SPCS3: variants seen among roughly 807,000 people sequenced by gnomAD.
SPCS3 encodes signal peptidase complex subunit 3, also known as SPase 22 kDa subunit.
SPCS3 carries 9 observed loss-of-function variants against 17.2 expected under a neutral mutation model. That is an observed-to-expected ratio of 0.52 (90% CI 0.31 to 0.91). The LOEUF is 0.91. Ranked by LOEUF, SPCS3 falls within the 40% of genes least tolerant of loss-of-function variation. The pLI is 0.04. For synonymous variants in SPCS3, 87 were observed against 89.6 expected (o/e 0.97, Z 0.16); for missense variants, 139 against 217.5 (o/e 0.64, Z 2.27).
chr4:176,328,120 C>T (rs1731632674), intron 4 of SPCS3, 78 bp from the exon 5 acceptor site: 1 of 1,285,870 alleles, frequency 7.8e-7, no homozygotes. Context: ...AAGTATTTGA[C>T]ATCTCAGTGT....
chr4:176,322,968 A>G (rs1010922512), intron 2 of SPCS3, among the ~76,000 whole-genome samples: 1 of 152,098 alleles, frequency 6.6e-6, no homozygotes, highest in East Asian at 1.9e-4. Context: ...CGTGATTTAA[A>G]TGGTTGTGGA....
chr4:176,324,380 A>T (rs35304696), intron 3 of SPCS3, 123 bp downstream of exon 3: 30,042 of 447,596 alleles, frequency 0.067, 1,135 homozygotes, highest in African/African-American at 0.092. Context: ...ATCACAAGCC[A>T]GTGGAGGTAG....
chr4:176,321,441 T>TA (rs1030410875), intron 1 of SPCS3: 14 of 152,312 alleles, frequency 9.2e-5, no homozygotes, highest in African/African-American at 3.4e-4. Context: ...GTCTGAGCCG[T>TA]AGTAAACAGT....
chr4:176,328,139 A>C, intron 4 of SPCS3, 59 bp from the exon 5 acceptor site: 1 of 1,561,306 alleles, frequency 6.4e-7, no homozygotes, highest in Non-Finnish European at 8.7e-7. Context: ...GTTTGTCTTA[A>C]AATTTTTTTT....
Position 176,329,556 on chromosome 4 carries a change from A to C in SPCS3, c.*1226A>C, listed in dbSNP as rs181316458. ...CTAATTTTCAAGCTGCCAACAACTT[A>C]TATCGAGGTAATATTTTATTCTCTG... is the stretch of plus-strand genomic sequence containing the variant. On this transcript the variant is annotated 3_prime_UTR_variant, in exon 5 of 5. Transcript: ENST00000503362. The C allele has an allele frequency of 1.2e-4, 18 of 152,304 alleles. No homozygotes were observed. The East Asian group carries it at 3.3e-3, about 28-fold the overall frequency. The allele number at this position is 152,304 out of a possible 1,614,324, so 9.4% of individuals were successfully genotyped here.
Position 176,320,026 on chromosome 4 carries a change from A to C in SPCS3, c.-51A>C. 6.9e-7 allele frequency: 1 copy of C among 1,445,446 alleles called. No homozygotes were observed. Among genetic ancestry groups the C allele is most frequent in the Non-Finnish European group, 9.2e-7 (1 of 1,083,392 alleles). 89.5% of individuals were successfully genotyped at this position (1,445,446 alleles called of 1,614,324 possible). ...CGCAGGGAGCCGGTCCGCCGCCGGA[A>C]CGGGAGCCTGGGTGTGCGTGTGGAG... On this transcript the variant is annotated 5_prime_UTR_variant, in exon 1 of 5. Transcript: ENST00000503362.
rs1258817112 is a variant in SPCS3, at chr4:176,330,314, A to G, written c.*1984A>G. The G allele has an allele frequency of 2.0e-5, 3 of 152,340 alleles. No homozygotes were observed. The East Asian group carries it at 5.8e-4, about 29-fold the overall frequency. 9.4% of individuals were successfully genotyped at this position (152,340 alleles called of 1,614,324 possible). A position where few individuals can be genotyped will look rare whatever the true frequency, so the allele number is the denominator to read the frequency against. ...AAATGTGCAGGTGTCAAAGCTTAAA[A>G]ATCAGGTGTGTCCTCTTTAAAGGCA... On this transcript the variant is annotated 3_prime_UTR_variant, in exon 5 of 5. Transcript: ENST00000503362.
intron 2 of SPCS3, among the ~76,000 whole-genome samples, 182 bp downstream of exon 2, chr4:176,322,425 G>A (rs975319896): frequency 3.3e-5 from 5 of 152,108 alleles, no homozygotes; most frequent in Non-Finnish European, 7.4e-5. Context: ...AAACTTCATA[G>A]ATTCATGAGT....
In SPCS3 at chr4:176,320,189, C is replaced by T. The variant is rs751908366; in HGVS notation, c.113C>T (p.Pro38Leu). The T allele has an allele frequency of 1.3e-6, 2 of 1,576,616 alleles. No individual in the cohort carries two copies. Among genetic ancestry groups the T allele is most frequent in the East Asian group, 5.0e-5 (2 of 39,774 alleles). The change falls in exon 1 of 5, where the codon CCG (proline) becomes CTG (leucine). Residue 38 changes from proline to leucine, a missense_variant. Transcript: ENST00000503362. ...ACCGCCTTCAAAGACAGGAGCGTCC[C>T]GGTGCGGCTGCACGTCTCGCGGATC... ...ITTAFKDRSV[P>L]VRLHVSRIML...
intron 3 of SPCS3, 32 bp from the exon 4 acceptor site, chr4:176,327,130 G>A (rs1448008589): frequency 1.6e-6 from 2 of 1,252,000 alleles, no homozygotes; most frequent in South Asian, 2.9e-5. Flanking sequence ...TATTTCTGAT[G>A]AGTTATCTAA....
rs950043143 is a variant in SPCS3, at chr4:176,319,990, A to G, written c.-87A>G. The G allele has an allele frequency of 3.9e-5, 53 of 1,364,374 alleles. No individual in the cohort carries two copies. Among genetic ancestry groups the G allele is most frequent in the Non-Finnish European group, 5.0e-5 (52 of 1,047,128 alleles). 84.5% of individuals were successfully genotyped at this position (1,364,374 alleles called of 1,614,324 possible). ...CGCTCCCGGAACGCGCGCACCGCAG[A>G]CGGCGCGGATCGCAGGGAGCCGGTC... On this transcript the variant is annotated 5_prime_UTR_variant, in exon 1 of 5. Coordinates refer to ENST00000503362, the MANE Select transcript of SPCS3 (RefSeq NM_021928.4).
chr4:176,328,188 C>G lies in SPCS3; in HGVS notation c.411-10C>G, dbSNP rs773756943. 2.5e-6 allele frequency: 4 copies of G among 1,608,810 alleles called. No homozygotes were observed. On this transcript the variant is annotated splice_polypyrimidine_tract_variant and intron_variant, in intron 4 of 4. Coordinates refer to ENST00000503362, the MANE Select transcript of SPCS3 (RefSeq NM_021928.4). ...CTCTGATGACTTGTGTTTATTATAT[C>G]TTTTTATAGGGGAAACAGGAATGTC...
intron 3 of SPCS3, among the ~76,000 whole-genome samples, chr4:176,326,572 CTTAA>C (rs1427532681): frequency 2.6e-5 from 4 of 151,948 alleles, no homozygotes; most frequent in Non-Finnish European, 5.9e-5. Context: ...CATGTATTTT[CTTAA>C]TTAAAGGGAA....
At chr4:176,324,731 T>A (rs1731581232) in intron 3 of SPCS3, among the ~76,000 whole-genome samples, 1 of 152,348 alleles carries the variant, frequency 6.6e-6, no homozygotes, top group East Asian at 1.9e-4. Context: ...TAGCCAATCC[T>A]TTCAAAATGG....
At position 176,330,779 on chromosome 4, in the gene SPCS3, C is replaced by T. The variant is rs1300405063; in HGVS notation, c.*2449C>T. On this transcript the variant is annotated 3_prime_UTR_variant, in exon 5 of 5. Coordinates refer to ENST00000503362, the MANE Select transcript of SPCS3 (RefSeq NM_021928.4). ...ACAAAACTGAGTATGATTAGAAATA[C>T]CTGAGCCCAGAAATGATTCTGAGAA... 6.6e-6 allele frequency: 1 copy of T among 152,120 alleles called. No homozygotes were observed. Among genetic ancestry groups the T allele is most frequent in the Non-Finnish European group, 1.5e-5 (1 of 68,004 alleles). 9.4% of individuals were successfully genotyped at this position (152,120 alleles called of 1,614,324 possible). A position where few individuals can be genotyped will look rare whatever the true frequency, so the allele number is the denominator to read the frequency against.
At position 176,332,036 on chromosome 4, in the gene SPCS3, A is replaced by G. The variant is rs1283847847; in HGVS notation, c.*3706A>G. 2 of 150,482 alleles carry G rather than the reference A, an allele frequency of 1.3e-5. No individual in the cohort carries two copies. The highest frequency in any genetic ancestry group is 6.6e-5 in the Admixed American group (1 of 15,066). 9.3% of individuals were successfully genotyped at this position (150,482 alleles called of 1,614,324 possible). On this transcript the variant is annotated 3_prime_UTR_variant, in exon 5 of 5. Coordinates refer to ENST00000503362, the MANE Select transcript of SPCS3 (RefSeq NM_021928.4). The stretch of plus-strand genomic sequence containing the variant: ...AAACTAAAAGTAAATGGAAGAAACC[A>G]AGTCTAGTAGGTTTTTTCTTTTTTT...
chr4:176,330,465 T>A lies in SPCS3; in HGVS notation c.*2135T>A, dbSNP rs754890543. The stretch of plus-strand genomic sequence containing the variant: ...TGAAATTTACTTGAATTACAGTTAT[T>A]TGACAAGCCCACTTTTTTTGGAGTT... On this transcript the variant is annotated 3_prime_UTR_variant, in exon 5 of 5. Coordinates refer to ENST00000503362, the MANE Select transcript of SPCS3 (RefSeq NM_021928.4). 3 of 152,190 alleles carry A rather than the reference T, an allele frequency of 2.0e-5. No homozygotes were observed. The highest frequency in any genetic ancestry group is 4.4e-5 in the Non-Finnish European group (3 of 68,010). 9.4% of individuals were successfully genotyped at this position (152,190 alleles called of 1,614,324 possible).
Position 176,324,259 on chromosome 4 carries a change from TA to T in SPCS3, c.294+4del. The T allele has an allele frequency of 9.1e-7, 1 of 1,100,162 alleles. No individual in the cohort carries two copies. Among genetic ancestry groups the T allele is most frequent in the Non-Finnish European group, 1.3e-6 (1 of 794,492 alleles). The allele number at this position is 1,100,162 out of a possible 1,614,324, so 68.2% of individuals were successfully genotyped here. A position where few individuals can be genotyped will look rare whatever the true frequency, so the allele number is the denominator to read the frequency against. On this transcript the variant is annotated splice_donor_region_variant and intron_variant, in intron 3 of 4. Transcript: ENST00000503362. ...GCAGAATATTCAACAAAAAATAATG[TA>T]AGTATATCTAATTAGAAGTATTTTA...
At chr4:176,325,667 T>C (rs1032402929) in intron 3 of SPCS3, among the ~76,000 whole-genome samples, 1 of 152,140 alleles carries the variant, frequency 6.6e-6, no homozygotes, top group African/African-American at 2.4e-5. Flanking sequence ...ACAATTTGCC[T>C]TTGTTTTAGG....
Sources: allele counts gnomAD v4.1 joint callset (sites outside exome capture counted in the v4.1 genomes callset), GRCh38; gene constraint gnomAD v4.1.1; transcripts MANE v1.5; gene names NCBI Gene and HGNC (gene_info 2026-07-23, HGNC 2026-07-21).